The following PAXIP1 variants were observed in gnomAD, a reference collection of about 807,000 sequenced individuals.
PAXIP1 encodes PAX interacting protein 1.
In PAXIP1, 19 loss-of-function variants were observed where a neutral mutation model predicts 140.6. The ratio of observed to expected loss-of-function variants is 0.14; its 90% CI spans 0.09 to 0.20. PAXIP1 has a LOEUF of 0.20. Ranked by LOEUF, PAXIP1 falls within the 10% of genes least tolerant of loss-of-function variation. PAXIP1 has a pLI of 1.00. For missense variants in PAXIP1, 920 were observed against 1,208.6 expected (o/e 0.76, Z 3.54); for synonymous variants, 442 against 444.6 (o/e 0.99, Z 0.07).
chr7:154,957,694 G>A (rs1023519381), intron 13 of PAXIP1, among the ~76,000 whole-genome samples: 16 of 152,072 alleles, frequency 1.1e-4, no homozygotes, highest in Non-Finnish European at 2.1e-4. Flanking sequence ...ATGGCCGGGC[G>A]CGGTGGCTCA....
chr7:155,003,053 C>T lies in PAXIP1; in HGVS notation c.-124G>A, dbSNP rs1286020822. The T allele has an allele frequency of 4.0e-6, 1 of 250,374 alleles. No individual in the cohort carries two copies. The highest frequency in any genetic ancestry group is 6.2e-6 in the Non-Finnish European group (1 of 160,998). The allele number at this position is 250,374 out of a possible 1,614,324, so 15.5% of individuals were successfully genotyped here. ...CGGCCCTGCCCGCGCAGCCCGGGCCCGGTCCTGCGAATCGGGGTCCGCTCC... is the reference window on the plus strand; with the variant it reads ...CGGCCCTGCCCGCGCAGCCCGGGCCTGGTCCTGCGAATCGGGGTCCGCTCC... On this transcript the variant is annotated 5_prime_UTR_variant, in exon 1 of 21. Transcript: ENST00000404141.
Position 154,962,429 on chromosome 7 carries a change from A to T in PAXIP1, c.2019T>A (p.Thr673=). 6.2e-7 allele frequency: 1 copy of T among 1,613,648 alleles called. No homozygotes were observed. The highest frequency in any genetic ancestry group is 8.5e-7 in the Non-Finnish European group (1 of 1,179,562). ...TTAAGACTGTGTTTAACCAGTGTGC[A>T]GTAACACATCTCTTTCTTTCTCTTA... is the stretch of plus-strand genomic sequence containing the variant. ...QAIRERKRCV[T]AHWLNTVLKK... is the part of the protein sequence containing the mutation. The change falls in exon 10 of 21, where the codon ACT becomes ACA. Residue 673 remains threonine, a synonymous_variant. Coordinates refer to ENST00000404141, the MANE Select transcript of PAXIP1 (RefSeq NM_007349.4).
Position 154,963,772 on chromosome 7 carries a change from C to A in PAXIP1, c.1894-6G>T. ...CCGCCATGTGCCTGGATTATCTACA[C>A]ACAAAGACCCGACCAATGCAGTCAT... On this transcript the variant is annotated splice_region_variant and splice_polypyrimidine_tract_variant and intron_variant, in intron 8 of 20. Coordinates refer to ENST00000404141, the MANE Select transcript of PAXIP1 (RefSeq NM_007349.4). This position sits in a 1 kb window ranked among gnomAD's most constrained non-coding sequence, Gnocchi z 4.1. The A allele has an allele frequency of 1.2e-6, 2 of 1,604,154 alleles. No homozygotes were observed. Among genetic ancestry groups the A allele is most frequent in the Non-Finnish European group, 1.7e-6 (2 of 1,172,162 alleles).
Position 154,983,108 on chromosome 7 carries a change from C to T in PAXIP1, c.438+111G>A, listed in dbSNP as rs560461837. 39 of 590,334 alleles carry T rather than the reference C, an allele frequency of 6.6e-5. No homozygotes were observed. The African/African-American group carries it at 6.8e-4, about 10-fold the overall frequency. 36.6% of individuals were successfully genotyped at this position (590,334 alleles called of 1,614,324 possible). A position where few individuals can be genotyped will look rare whatever the true frequency, so the allele number is the denominator to read the frequency against. On this transcript the variant is annotated intron_variant, in intron 5 of 20. Coordinates refer to ENST00000404141, the MANE Select transcript of PAXIP1 (RefSeq NM_007349.4). ...AAATAATATAAACCAATATAATCAGCTTTTGTAAATGAAATATAATAACTA... is the reference window on the plus strand; with the variant it reads ...AAATAATATAAACCAATATAATCAGTTTTTGTAAATGAAATATAATAACTA...
rs565107135 is a variant in PAXIP1 at position 154,968,512 on chromosome 7, C to T, written c.1689G>A (p.Ala563=). The T allele has an allele frequency of 1.2e-5, 10 of 845,446 alleles. No homozygotes were observed. The highest frequency in any genetic ancestry group is 2.2e-4 in the Middle Eastern group (1 of 4,594). The allele number at this position is 845,446 out of a possible 1,614,324, so 52.4% of individuals were successfully genotyped here. A position where few individuals can be genotyped will look rare whatever the true frequency, so the allele number is the denominator to read the frequency against. ...GCTGAGGTGGAACCTGATGCTGCAG[C>T]GCCTGTGACGTCTGACTCAAGTGTG... ...TAPHLSQTSQ[A]LQHQVPPQQP... The change falls in exon 7 of 21, where the codon GCG becomes GCA. Residue 563 remains alanine, a synonymous_variant. Transcript: ENST00000404141.
At position 154,990,997 on chromosome 7, in the gene PAXIP1, C is replaced by T; in HGVS notation, c.324+9G>A. 2 of 1,525,632 alleles carry T rather than the reference C, an allele frequency of 1.3e-6. No homozygotes were observed. Among genetic ancestry groups the T allele is most frequent in the Non-Finnish European group, 1.8e-6 (2 of 1,126,452 alleles). 94.5% of individuals were successfully genotyped at this position (1,525,632 alleles called of 1,614,324 possible). Reference sequence around the variant, plus strand: ...TAAATAACTCAAGACTAACTGTAACCATGCTTACCTGAGAAAGGCAGGCAG... The same window carrying T: ...TAAATAACTCAAGACTAACTGTAACTATGCTTACCTGAGAAAGGCAGGCAG... On this transcript the variant is annotated intron_variant, in intron 4 of 20. Transcript: ENST00000404141.
Position 154,975,828 on chromosome 7 carries a change from A to G in PAXIP1, c.942T>C (p.Ala314=), listed in dbSNP as rs778383250. 6.8e-6 allele frequency: 11 copies of G among 1,614,012 alleles called. No individual in the cohort carries two copies. The highest frequency in any genetic ancestry group is 9.3e-6 in the Non-Finnish European group (11 of 1,179,884). The change falls in exon 6 of 21, where the codon GCT becomes GCC. Residue 314 remains alanine, a synonymous_variant. Coordinates refer to ENST00000404141, the MANE Select transcript of PAXIP1 (RefSeq NM_007349.4). ...LPPEVRGNLM[A]AGQNLQSSER... ...CAGAACTTTGGAGGTTTTGTCCAGC[A>G]GCCATTAAATTACCCCGGACCTCAG... is the stretch of plus-strand genomic sequence containing the variant.
chr7:154,998,491 G>C (rs1810742689), intron 2 of PAXIP1, among the ~76,000 whole-genome samples, 159 bp downstream of exon 2: 1 of 152,068 alleles, frequency 6.6e-6, no homozygotes, highest in Admixed American at 6.6e-5. Context: ...CTGGGCAACA[G>C]AGCGAGATTC....
At chr7:154,985,074 A>G (rs1810010390) in intron 4 of PAXIP1, among the ~76,000 whole-genome samples, 1 of 152,190 alleles carries the variant, frequency 6.6e-6, no homozygotes, top group Admixed American at 6.5e-5. Flanking sequence ...GTTTGGATTA[A>G]ATGACTTTGA....
At chr7:154,955,424 ATAAC>A in intron 15 of PAXIP1, 101 bp downstream of exon 15, 1 of 693,120 alleles carries the variant, frequency 1.4e-6, no homozygotes. Flanking sequence ...AAAGACTGTT[ATAAC>A]TATCTAAACT....
rs1480826743 is a variant in PAXIP1 at position 154,991,024 on chromosome 7, G to A, written c.306C>T (p.Ile102=). The change falls in exon 4 of 21, where the codon ATC becomes ATT. Residue 102 remains isoleucine (I), a synonymous_variant. Transcript: ENST00000404141. ...SPESCQIFFG[I]TACLSQVSSE... ...TGCTTACCTGAGAAAGGCAGGCAGTGATTCCAAAAAAAATCTGACATGATT... is the reference window on the plus strand; with the variant it reads ...TGCTTACCTGAGAAAGGCAGGCAGTAATTCCAAAAAAAATCTGACATGATT... 8.4e-6 allele frequency: 13 copies of A among 1,551,682 alleles called. No homozygotes were observed. Among genetic ancestry groups the A allele is most frequent in the Non-Finnish European group, 1.0e-5 (12 of 1,145,512 alleles).
intron 6 of PAXIP1, among the ~76,000 whole-genome samples, chr7:154,972,705 T>C (rs182229285): frequency 3.3e-5 from 5 of 152,310 alleles, no homozygotes; most frequent in Admixed American, 2.6e-4. Flanking sequence ...ACCAACCCTA[T>C]GAGAGAGATC....
chr7:154,985,064 G>T (rs1010145775), intron 4 of PAXIP1, among the ~76,000 whole-genome samples: 1 of 152,110 alleles, frequency 6.6e-6, no homozygotes, highest in Non-Finnish European at 1.5e-5. Flanking sequence ...ACTGATGTAC[G>T]TTTGGATTAA....
chr7:154,945,872 T>C, intron 20 of PAXIP1: 12 of 985,324 alleles, frequency 1.2e-5, no homozygotes, highest in Non-Finnish European at 1.4e-5. Context: ...AGCCTAGGTG[T>C]CAATATTCTA....
chr7:154,952,432 C>T (rs547563767), intron 16 of PAXIP1, among the ~76,000 whole-genome samples: 1 of 152,144 alleles, frequency 6.6e-6, no homozygotes, highest in Non-Finnish European at 1.5e-5. Flanking sequence ...CTATTTAGTG[C>T]TATTGCTTTC....
intron 4 of PAXIP1, among the ~76,000 whole-genome samples, chr7:154,988,329 G>C (rs750325871): frequency 6.6e-6 from 1 of 152,054 alleles, no homozygotes; most frequent in Non-Finnish European, 1.5e-5. Flanking sequence ...CCCTCGCCTC[G>C]CAATCCAGAC....
intron 14 of PAXIP1, among the ~76,000 whole-genome samples, chr7:154,955,894 A>T (rs976501139): frequency 1.3e-5 from 2 of 152,236 alleles, no homozygotes; most frequent in African/African-American, 2.4e-5. Flanking sequence ...TTTCTTCTTC[A>T]TCAATCCCCT....
chr7:154,998,553 T>A (rs965700783), intron 2 of PAXIP1, 97 bp downstream of exon 2: 1 of 707,754 alleles, frequency 1.4e-6, no homozygotes, highest in African/African-American at 1.8e-5. Flanking sequence ...AAACAGGACT[T>A]TAGCAAAAAC....
chr7:154,951,206 A>C (rs1175036877), intron 16 of PAXIP1: 3 of 152,170 alleles, frequency 2.0e-5, no homozygotes, highest in Non-Finnish European at 2.9e-5. Flanking sequence ...GTAACTATGG[A>C]CTTCAGGTGA....
Sources: gnomAD v4.1 joint callset for allele counts (sites outside exome capture counted in the v4.1 genomes callset) on GRCh38, gnomAD v4.1.1 for gene constraint, Gnocchi (gnomAD v3.1) non-coding constraint, MANE v1.5 for transcripts, NCBI Gene and HGNC (gene_info 2026-07-23, HGNC 2026-07-21) for gene names.